Variants in AUTS2 observed in about 807,000 individuals in gnomAD.
The protein encoded by AUTS2 is autism susceptibility gene 2 protein.
Under a neutral mutation model 112.4 loss-of-function variants are expected in AUTS2, and 17 were observed. The observed-to-expected ratio is 0.15, with a 90% confidence interval of 0.10 to 0.23. AUTS2 has a LOEUF of 0.23. Among genes scored for constraint, AUTS2 ranks in the 10% least tolerant of loss-of-function variants. The pLI, the probability that AUTS2 is intolerant of heterozygous loss-of-function variation, is 1.00. For missense variants in AUTS2, 1,510 were observed against 1,701.6 expected, an observed-to-expected ratio of 0.89 and a Z score of 1.98; for synonymous variants, 751 against 702.7, an observed-to-expected ratio of 1.07 and a Z score of -1.09.
chr7:70,479,487 A>G (rs1265230359), intron 5 of AUTS2, among the ~76,000 whole-genome samples: 1 of 152,176 alleles, frequency 6.6e-6, no homozygotes, highest in African/African-American at 2.4e-5. Context: ...CACAGTGTCA[A>G]CCTCAAGCCC....
At chr7:70,117,080 C>T (rs11764397) in intron 2 of AUTS2, among the ~76,000 whole-genome samples, 11,780 of 145,842 alleles carry the variant, frequency 0.081, 623 homozygotes, top group African/African-American at 0.14. Flanking sequence ...ACCACTAGAA[C>T]GTAAACTTCA....
intron 1 of AUTS2, among the ~76,000 whole-genome samples, chr7:69,788,092 G>A (rs577138650): frequency 5.3e-5 from 8 of 152,122 alleles, no homozygotes; most frequent in African/African-American, 1.7e-4. Flanking sequence ...GAAAAATATC[G>A]TAAAAACCTG....
At chr7:69,700,520 C>T (rs567598808) in intron 1 of AUTS2, among the ~76,000 whole-genome samples, 2 of 152,218 alleles carry the variant, frequency 1.3e-5, no homozygotes, top group African/African-American at 4.8e-5. Context: ...TAAGGATGCA[C>T]ATCCAATTCA....
rs922268742 is a variant in AUTS2 at position 70,793,414 on chromosome 7, G to T, written c.*2418G>T. ...TAATTACGTGGTGTAGTCCTCATCA[G>T]TTTGCAGTCTCCCTGTCCTCTAAAA... On this transcript the variant is annotated 3_prime_UTR_variant, in exon 19 of 19. Coordinates refer to ENST00000342771, the MANE Select transcript of AUTS2 (RefSeq NM_015570.4). The T allele has an allele frequency of 6.6e-6, 1 of 151,876 alleles. No homozygotes were observed. The highest frequency in any genetic ancestry group is 6.6e-5 in the Admixed American group (1 of 15,262). 9.4% of individuals were successfully genotyped at this position (151,876 alleles called of 1,614,324 possible). A position where few individuals can be genotyped will look rare whatever the true frequency, so the allele number is the denominator to read the frequency against.
At chr7:69,616,014 A>G (rs1314173009) in intron 1 of AUTS2, among the ~76,000 whole-genome samples, 1 of 152,230 alleles carries the variant, frequency 6.6e-6, no homozygotes, top group African/African-American at 2.4e-5. Flanking sequence ...GAGATTTGCA[A>G]AAGTCCTATT....
intron 5 of AUTS2, among the ~76,000 whole-genome samples, chr7:70,633,787 T>A (rs78637904): frequency 0.075 from 11,463 of 152,150 alleles, 569 homozygotes; most frequent in East Asian, 0.2. Flanking sequence ...GTGGTAATGT[T>A]CTTACTCTAG....
At chr7:70,564,857 T>C (rs1801637723) in intron 5 of AUTS2, among the ~76,000 whole-genome samples, 1 of 152,158 alleles carries the variant, frequency 6.6e-6, no homozygotes, top group Non-Finnish European at 1.5e-5. Flanking sequence ...CCCAGCACTT[T>C]GGGAGGCCGA....
chr7:70,163,336 T>G (rs1358658390), intron 4 of AUTS2, among the ~76,000 whole-genome samples: 2 of 6,558 alleles, frequency 3.0e-4, no homozygotes. Flanking sequence ...AGTGTTAGGT[T>G]GTGGTGGTGG....
At chr7:70,383,066 T>C (rs752056111) in intron 4 of AUTS2, among the ~76,000 whole-genome samples, 2 of 152,234 alleles carry the variant, frequency 1.3e-5, no homozygotes, top group Non-Finnish European at 2.9e-5. Context: ...TCTTTTAATG[T>C]TGATCAATAG....
chr7:70,166,410 T>A (rs1413044839), intron 4 of AUTS2, among the ~76,000 whole-genome samples: 1 of 152,168 alleles, frequency 6.6e-6, no homozygotes, highest in East Asian at 1.9e-4. Context: ...ATGGGGTTTA[T>A]AACATGTTAA....
chr7:69,858,912 A>G (rs574376766), intron 1 of AUTS2, among the ~76,000 whole-genome samples: 16 of 152,228 alleles, frequency 1.1e-4, no homozygotes, highest in Non-Finnish European at 2.2e-4. Flanking sequence ...AGCACTGGAT[A>G]TCATGTAGGT....
intron 6 of AUTS2, among the ~76,000 whole-genome samples, chr7:70,722,106 T>A (rs1019650530): frequency 6.6e-6 from 1 of 152,120 alleles, no homozygotes; most frequent in Non-Finnish European, 1.5e-5. Flanking sequence ...TACGTCTCTT[T>A]GACCTCTTGA....
intron 1 of AUTS2, among the ~76,000 whole-genome samples, chr7:69,768,232 A>C (rs753997530): frequency 6.6e-6 from 1 of 152,234 alleles, no homozygotes; most frequent in Non-Finnish European, 1.5e-5. Context: ...TCACTCTCTC[A>C]GACTCTCACG....
chr7:70,102,508 G>A (rs1434270370), intron 2 of AUTS2, among the ~76,000 whole-genome samples: 1 of 151,320 alleles, frequency 6.6e-6, no homozygotes, highest in Non-Finnish European at 1.5e-5. Flanking sequence ...TATAGTTTTG[G>A]CATTATAGTT....
chr7:70,078,748 T>G (rs1042808544), intron 2 of AUTS2, among the ~76,000 whole-genome samples: 1 of 152,160 alleles, frequency 6.6e-6, no homozygotes, highest in Non-Finnish European at 1.5e-5. Context: ...AAGGAAATGG[T>G]GGAGAAAGTA....
intron 1 of AUTS2, among the ~76,000 whole-genome samples, chr7:69,880,486 C>G (rs1448906631): frequency 2.0e-5 from 3 of 152,184 alleles, no homozygotes; most frequent in African/African-American, 4.8e-5. Context: ...TCCTCCTCAT[C>G]ATCATAATTA....
At chr7:69,955,012 T>C (rs1264094573) in intron 2 of AUTS2, among the ~76,000 whole-genome samples, 1 of 152,222 alleles carries the variant, frequency 6.6e-6, no homozygotes, top group Admixed American at 6.5e-5. Flanking sequence ...TGTAACACCA[T>C]GTGAATTTTC....
At chr7:70,231,031 A>T (rs1053908385) in intron 4 of AUTS2, among the ~76,000 whole-genome samples, 1 of 152,232 alleles carries the variant, frequency 6.6e-6, no homozygotes, top group African/African-American at 2.4e-5. Context: ...ACTGTTGTCA[A>T]TGAGGTTCGG....
At chr7:70,400,352 G>A (rs1794273742) in intron 4 of AUTS2, among the ~76,000 whole-genome samples, 1 of 152,190 alleles carries the variant, frequency 6.6e-6, no homozygotes, top group Non-Finnish European at 1.5e-5. Context: ...GTTGCAAGAT[G>A]TTTACACTAT....
Sources: allele counts gnomAD v4.1 joint callset (sites outside exome capture counted in the v4.1 genomes callset), GRCh38; gene constraint gnomAD v4.1.1; transcripts MANE v1.5; gene names NCBI Gene and HGNC (gene_info 2026-07-23, HGNC 2026-07-21).